PCDH11X: variants seen among roughly 807,000 people sequenced by gnomAD.
PCDH11X encodes protocadherin-11 X-linked.
Under a neutral mutation model 53.3 loss-of-function variants are expected in PCDH11X, and 18 were observed. That is an observed-to-expected ratio of 0.34 (90% CI 0.23 to 0.50). The LOEUF is 0.50. Ranked by LOEUF, PCDH11X falls within the 20% of genes least tolerant of loss-of-function variation. The pLI, the probability that PCDH11X is intolerant of heterozygous loss-of-function variation, is 0.98. For missense variants in PCDH11X, 570 were observed against 1,032.4 expected (o/e 0.55, Z 6.14); for synonymous variants, 279 against 393.3 (o/e 0.71, Z 3.44).
chrX:92,036,858 A>G (rs1294374359), intron 6 of PCDH11X, among the ~76,000 whole-genome samples: 1 of 110,396 alleles, frequency 9.1e-6, no homozygotes, highest in African/African-American at 3.3e-5. Context: ...GATAAGGACA[A>G]TAAAGTCCAG....
chrX:92,509,090 G>T (rs1190056385), intron 10 of PCDH11X, among the ~76,000 whole-genome samples: 1 of 98,575 alleles, frequency 1.0e-5, no homozygotes, highest in African/African-American at 3.6e-5. Context: ...CAAGGAAATT[G>T]TTTATGAAGG....
chrX:92,355,417 C>CAAAAAAAAAAA (rs57339128), intron 8 of PCDH11X, among the ~76,000 whole-genome samples: 6 of 23,589 alleles, frequency 2.5e-4, no homozygotes, highest in African/African-American at 1.4e-3. Context: ...GACTCCGTCT[C>CAAAAAAAAAAA]AAAAAAAAAA....
chrX:92,151,629 AATCT>A (rs1360366983), intron 6 of PCDH11X, among the ~76,000 whole-genome samples: 1 of 107,481 alleles, frequency 9.3e-6, no homozygotes, highest in Non-Finnish European at 1.9e-5. Context: ...TTAAAATTAT[AATCT>A]ATCTTAATTC....
intron 10 of PCDH11X, among the ~76,000 whole-genome samples, chrX:92,589,226 ATAT>A (rs1342525580): frequency 9.2e-6 from 1 of 108,228 alleles, no homozygotes; most frequent in African/African-American, 3.7e-5. Context: ...CAGAAAGAAA[ATAT>A]TAATAAGAAA....
intron 10 of PCDH11X, among the ~76,000 whole-genome samples, chrX:92,597,681 A>G (rs1925782615): frequency 8.9e-6 from 1 of 111,866 alleles, no homozygotes; most frequent in South Asian, 3.7e-4. Flanking sequence ...AAAGAATCCT[A>G]AAATTCATAT....
At chrX:92,507,420 T>C (rs1335205233) in intron 10 of PCDH11X, among the ~76,000 whole-genome samples, 1 of 111,755 alleles carries the variant, frequency 8.9e-6, no homozygotes, top group Non-Finnish European at 1.9e-5. Context: ...TTCTGGTATA[T>C]TGTATCTTTG....
At chrX:91,991,876 C>CTT (rs1196978624) in intron 6 of PCDH11X, among the ~76,000 whole-genome samples, 1 of 106,656 alleles carries the variant, frequency 9.4e-6, no homozygotes, top group Non-Finnish European at 1.9e-5. Flanking sequence ...CGTTTTGTTT[C>CTT]TTTGTCTATT....
At chrX:92,102,891 A>T (rs945070619) in intron 6 of PCDH11X, among the ~76,000 whole-genome samples, 2 of 111,440 alleles carry the variant, frequency 1.8e-5, no homozygotes, top group African/African-American at 6.5e-5. Context: ...TAAAATGGGG[A>T]AATGGTAAGG....
At chrX:92,556,431 C>T (rs1470242299) in intron 10 of PCDH11X, among the ~76,000 whole-genome samples, 2 of 111,132 alleles carry the variant, frequency 1.8e-5, no homozygotes, top group African/African-American at 6.5e-5. Context: ...CTATCTGTTC[C>T]AAGTGAGAGA....
intron 8 of PCDH11X, among the ~76,000 whole-genome samples, chrX:92,274,596 G>A (rs146984213): frequency 0.033 from 3,644 of 110,946 alleles, 208 homozygotes; most frequent in East Asian, 0.23. Context: ...GCCAGTCCTG[G>A]GTGGGAGCAA....
At chrX:92,265,624 T>A (rs1248772002) in intron 8 of PCDH11X, among the ~76,000 whole-genome samples, 4 of 111,701 alleles carry the variant, frequency 3.6e-5, no homozygotes, top group Admixed American at 2.9e-4. Flanking sequence ...TATATAGGAA[T>A]GTGTATACAC....
intron 5 of PCDH11X, among the ~76,000 whole-genome samples, chrX:91,860,673 GTGT>G (rs1328023002): frequency 6.3e-5 from 7 of 111,891 alleles, no homozygotes; most frequent in Admixed American, 5.7e-4. Flanking sequence ...TTAACATGAA[GTGT>G]TGTTGAATTT....
chrX:92,569,644 T>C (rs947706386), intron 10 of PCDH11X, among the ~76,000 whole-genome samples: 4 of 111,173 alleles, frequency 3.6e-5, no homozygotes, highest in South Asian at 3.7e-4. Flanking sequence ...TATTTTTTGA[T>C]ATTTTGATTT....
chrX:92,074,428 G>A (rs1412271797), intron 6 of PCDH11X, among the ~76,000 whole-genome samples: 1 of 111,112 alleles, frequency 9.0e-6, no homozygotes, highest in African/African-American at 3.3e-5. Context: ...ATTTATGTCT[G>A]AAAATGAAGA....
chrX:92,114,677 A>T (rs1411647854), intron 6 of PCDH11X, among the ~76,000 whole-genome samples: 1 of 111,120 alleles, frequency 9.0e-6, no homozygotes, highest in Non-Finnish European at 1.9e-5. Context: ...ACTTTGTCTC[A>T]TCCAAACTTA....
intron 6 of PCDH11X, among the ~76,000 whole-genome samples, chrX:91,969,614 C>A: frequency 9.2e-6 from 1 of 108,637 alleles, no homozygotes; most frequent in Non-Finnish European, 1.9e-5. Context: ...GCCTGGGCAA[C>A]ATAGCGAGAC....
intron 6 of PCDH11X, among the ~76,000 whole-genome samples, chrX:92,015,389 C>T (rs1265493078): frequency 8.9e-6 from 1 of 111,947 alleles, no homozygotes; most frequent in Non-Finnish European, 1.9e-5. Context: ...CTCTTCCTTT[C>T]CTGACAAAAA....
intron 7 of PCDH11X, among the ~76,000 whole-genome samples, chrX:92,215,027 G>A (rs753068433): frequency 3.2e-4 from 36 of 111,661 alleles, no homozygotes; most frequent in African/African-American, 3.6e-4. Context: ...TAGCCCCGGC[G>A]ACGGAAGGGA....
chrX:92,213,496 C>T (rs1175820661), intron 7 of PCDH11X, among the ~76,000 whole-genome samples: 1 of 111,558 alleles, frequency 9.0e-6, no homozygotes, highest in Non-Finnish European at 1.9e-5. Context: ...TATTCTGATT[C>T]TAAAGTCCAT....
Sources: gnomAD v4.1 joint callset for allele counts (sites outside exome capture counted in the v4.1 genomes callset) on GRCh38, gnomAD v4.1.1 for gene constraint, MANE v1.5 for transcripts, NCBI Gene and HGNC (gene_info 2026-07-23, HGNC 2026-07-21) for gene names.